Variants in M1AP observed in about 807,000 individuals in gnomAD.
The protein encoded by M1AP is meiosis 1 arrest protein.
A neutral mutation model predicts 51.2 loss-of-function variants in M1AP; 39 were observed. The ratio of observed to expected loss-of-function variants is 0.76; its 90% CI spans 0.59 to 1.00. The LOEUF is 1.00. M1AP is among the 50% of genes least tolerant of loss of function. The pLI, the probability that M1AP is intolerant of heterozygous loss-of-function variation, is 0.00. For synonymous variants in M1AP, 251 were observed against 249.2 expected, an observed-to-expected ratio of 1.01 and a Z score of -0.07; for missense variants, 545 against 641.2, an observed-to-expected ratio of 0.85 and a Z score of 1.62.
At chr2:74,607,990 C>A (rs1681118202) in intron 3 of M1AP, among the ~76,000 whole-genome samples, 1 of 152,080 alleles carries the variant, frequency 6.6e-6, no homozygotes, top group African/African-American at 2.4e-5. Context: ...AGAGATAGCC[C>A]ATATACCCCT....
At chr2:74,618,525 G>T (rs1185065960) in intron 2 of M1AP, among the ~76,000 whole-genome samples, 1 of 152,162 alleles carries the variant, frequency 6.6e-6, no homozygotes, top group Non-Finnish European at 1.5e-5. Flanking sequence ...GGTGTTGTGG[G>T]TCAGAAACAA....
At chr2:74,631,701 CCT>C (rs572879594) in intron 2 of M1AP, among the ~76,000 whole-genome samples, 38 of 151,808 alleles carry the variant, frequency 2.5e-4, no homozygotes, top group Admixed American at 1.6e-3. Context: ...CTTCTGAAAC[CCT>C]GTTTTGAGGG....
intron 2 of M1AP, among the ~76,000 whole-genome samples, chr2:74,634,900 G>C (rs1011983153): frequency 6.6e-6 from 1 of 151,820 alleles, no homozygotes; most frequent in Non-Finnish European, 1.5e-5. Flanking sequence ...TTAATATTTT[G>C]TTAAGTTTTA....
chr2:74,602,454 T>C (rs1029192586), intron 4 of M1AP, among the ~76,000 whole-genome samples: 1 of 152,326 alleles, frequency 6.6e-6, no homozygotes, highest in African/African-American at 2.4e-5. Context: ...AGAACTTACA[T>C]GATCTCATTT....
intron 4 of M1AP, among the ~76,000 whole-genome samples, chr2:74,588,652 C>T (rs1027112291): frequency 6.6e-6 from 1 of 152,094 alleles, no homozygotes; most frequent in Non-Finnish European, 1.5e-5. Context: ...AAAGAGTTGG[C>T]AGGGGTGGTG....
At chr2:74,572,572 T>C (rs561281472) in intron 7 of M1AP, among the ~76,000 whole-genome samples, 16 of 152,350 alleles carry the variant, frequency 1.1e-4, no homozygotes, top group African/African-American at 3.6e-4. Context: ...CCTTCTGCCT[T>C]GGCCTCCTAA....
chr2:74,562,030 T>G (rs1678050360), intron 8 of M1AP, 187 bp downstream of exon 8: 17 of 985,352 alleles, frequency 1.7e-5, no homozygotes, highest in Non-Finnish European at 1.9e-5. Context: ...CTTACCCTGC[T>G]GCCATAATCT....
At chr2:74,613,267 C>T (rs6705956) in intron 3 of M1AP, among the ~76,000 whole-genome samples, 12,335 of 152,222 alleles carry the variant, frequency 0.081, 1,414 homozygotes, top group African/African-American at 0.25. Context: ...TCCAGTGTCT[C>T]TGCCATGTCT....
intron 4 of M1AP, among the ~76,000 whole-genome samples, chr2:74,588,251 T>C (rs748138019): frequency 2.6e-5 from 4 of 152,170 alleles, no homozygotes; most frequent in Non-Finnish European, 5.9e-5. Flanking sequence ...CATGCATAGA[T>C]GTATTTTGGT....
At chr2:74,647,409 G>A in intron 1 of M1AP, 1 of 985,192 alleles carries the variant, frequency 1.0e-6, no homozygotes, top group Non-Finnish European at 1.2e-6. Context: ...TTCTCCCTCT[G>A]GCAGGGCCCT....
intron 7 of M1AP, among the ~76,000 whole-genome samples, chr2:74,569,888 GTGTA>G (rs1678621681): frequency 6.7e-6 from 1 of 149,848 alleles, no homozygotes; most frequent in Non-Finnish European, 1.5e-5. Context: ...GTGTGTGTGT[GTGTA>G]TGTGTGTGTG....
chr2:74,600,634 G>T (rs1442018615), intron 4 of M1AP, among the ~76,000 whole-genome samples: 2 of 152,140 alleles, frequency 1.3e-5, no homozygotes, highest in African/African-American at 2.4e-5. Flanking sequence ...TCTATTTCTT[G>T]AACAGACAGT....
At chr2:74,578,254 CCAGA>C (rs1679199064) in intron 5 of M1AP, among the ~76,000 whole-genome samples, 1 of 152,144 alleles carries the variant, frequency 6.6e-6, no homozygotes. Flanking sequence ...GGGGTGAAGC[CCAGA>C]CACTGGTATT....
intron 3 of M1AP, among the ~76,000 whole-genome samples, chr2:74,613,780 T>A (rs1186924758): frequency 2.6e-5 from 4 of 152,176 alleles, no homozygotes; most frequent in Non-Finnish European, 5.9e-5. Flanking sequence ...ATGAGGGAAT[T>A]TTCCCCCGAT....
chr2:74,591,393 G>A lies in M1AP; in HGVS notation c.596-9546C>T, dbSNP rs1680026923. ...GACGTGAGAAACATTAGACTTAGAA[G>A]GTATTTTAAAAGTCTTCTTTTTCTA... is the stretch of plus-strand genomic sequence containing the variant. On this transcript the variant is annotated intron_variant, in intron 4 of 10. Coordinates refer to ENST00000421985, the MANE Select transcript of M1AP (RefSeq NM_001321739.2). Among the ~76,000 whole-genome samples, 3 of 152,256 alleles carry A rather than the reference G, an allele frequency of 2.0e-5. No individual in the cohort carries two copies. In the South Asian group the frequency reaches 6.2e-4, roughly 32 times the overall value.
intron 4 of M1AP, among the ~76,000 whole-genome samples, chr2:74,589,499 T>C (rs1312587390): frequency 6.6e-6 from 1 of 152,254 alleles, no homozygotes; most frequent in African/African-American, 2.4e-5. Flanking sequence ...TCTTAGCTTC[T>C]AAACAACTAC....
Position 74,628,584 on chromosome 2 carries a change from GAC to G in M1AP, c.240+11450_240+11451del, listed in dbSNP as rs1483226917. Reference sequence around the variant, plus strand: ...TCAAAAGATTCTTGATTCAGCTTCTGACACAGTTTTATTATCTTGAGAGGAAG... The same window carrying G: ...TCAAAAGATTCTTGATTCAGCTTCTGACAGTTTTATTATCTTGAGAGGAAG... On this transcript the variant is annotated intron_variant, in intron 2 of 10. Transcript: ENST00000421985. 1.9e-5 allele frequency: 11 copies of G among 581,506 alleles called. No homozygotes were observed. In the East Asian group the frequency reaches 4.8e-4, roughly 25 times the overall value. The allele number at this position is 581,506 out of a possible 1,614,324, so 36.0% of individuals were successfully genotyped here. A position where few individuals can be genotyped will look rare whatever the true frequency, so the allele number is the denominator to read the frequency against.
chr2:74,581,169 T>C (rs775179964), intron 5 of M1AP, among the ~76,000 whole-genome samples: 4 of 152,230 alleles, frequency 2.6e-5, no homozygotes, highest in Non-Finnish European at 5.9e-5. Context: ...GAACATGGTC[T>C]TGGGCACAGG....
At chr2:74,635,926 C>A (rs1326072088) in intron 2 of M1AP, among the ~76,000 whole-genome samples, 1 of 151,934 alleles carries the variant, frequency 6.6e-6, no homozygotes, top group African/African-American at 2.4e-5. Context: ...GCAAATGTTC[C>A]ACGGGTGCTT....
Sources: allele counts gnomAD v4.1 joint callset (sites outside exome capture counted in the v4.1 genomes callset), GRCh38; gene constraint gnomAD v4.1.1; transcripts MANE v1.5; gene names NCBI Gene and HGNC (gene_info 2026-07-23, HGNC 2026-07-21).